CSMD3: variants seen among roughly 807,000 people sequenced by gnomAD.
CSMD3 encodes CUB and Sushi multiple domains 3.
A neutral mutation model predicts 435.2 loss-of-function variants in CSMD3; 177 were observed. The ratio of observed to expected loss-of-function variants is 0.41; its 90% CI spans 0.36 to 0.46. CSMD3 has a LOEUF of 0.46. Among genes scored for constraint, CSMD3 ranks in the 20% least tolerant of loss-of-function variants. The probability of loss-of-function intolerance (pLI) is 0.34; values close to 1 mark genes in which losing one functional copy is unlikely to be tolerated. For synonymous variants in CSMD3, 1,656 were observed against 1,520.5 expected (o/e 1.09, Z -2.07); for missense variants, 4,265 against 4,504.6 (o/e 0.95, Z 1.52).
At chr8:112,780,928 G>C (rs767623483) in intron 13 of CSMD3, among the ~76,000 whole-genome samples, 1 of 152,044 alleles carries the variant, frequency 6.6e-6, no homozygotes, top group Non-Finnish European at 1.5e-5. Flanking sequence ...CTGGTGCTGT[G>C]CTGGGCTCAG....
chr8:113,225,929 C>T (rs943178321), intron 3 of CSMD3, among the ~76,000 whole-genome samples: 8 of 151,538 alleles, frequency 5.3e-5, no homozygotes, highest in African/African-American at 1.4e-4. Context: ...GCTGTTCCCC[C>T]CTGCTGTCCT....
intron 30 of CSMD3, among the ~76,000 whole-genome samples, chr8:112,494,531 C>A (rs1022862212): frequency 8.5e-6 from 1 of 117,668 alleles, no homozygotes; most frequent in Non-Finnish European, 1.8e-5. Context: ...TTCTTTCTTT[C>A]TTTCTTTCTT....
intron 32 of CSMD3, among the ~76,000 whole-genome samples, chr8:112,437,479 G>C (rs761277335): frequency 2.6e-5 from 4 of 152,006 alleles, no homozygotes; most frequent in African/African-American, 9.7e-5. Context: ...CTAAATGGAT[G>C]AACTAAGGAA....
At chr8:112,749,523 A>C (rs1485697897) in intron 13 of CSMD3, among the ~76,000 whole-genome samples, 1 of 152,130 alleles carries the variant, frequency 6.6e-6, no homozygotes, top group Non-Finnish European at 1.5e-5. Context: ...TACACCATAC[A>C]CAAAACTCAA....
intron 13 of CSMD3, among the ~76,000 whole-genome samples, chr8:112,716,052 A>G (rs1429290008): frequency 1.3e-5 from 2 of 152,180 alleles, no homozygotes; most frequent in Non-Finnish European, 2.9e-5. Context: ...CTTATTCAGC[A>G]TAGTATTGGA....
chr8:113,138,998 G>T (rs898838433), intron 4 of CSMD3, among the ~76,000 whole-genome samples: 8 of 150,784 alleles, frequency 5.3e-5, no homozygotes, highest in Non-Finnish European at 1.2e-4. Context: ...AAAAGGAAAA[G>T]ACCTAAGATT....
chr8:112,466,789 T>C (rs975538669), intron 32 of CSMD3, among the ~76,000 whole-genome samples: 17 of 152,026 alleles, frequency 1.1e-4, no homozygotes, highest in Non-Finnish European at 2.2e-4. Flanking sequence ...TACCTAAGTC[T>C]ATCAGCCCAA....
At chr8:113,256,840 G>A (rs895484488) in intron 3 of CSMD3, among the ~76,000 whole-genome samples, 2 of 152,190 alleles carry the variant, frequency 1.3e-5, no homozygotes, top group Non-Finnish European at 2.9e-5. Context: ...GTGGTTTGTA[G>A]TGTGTAGGAT....
At chr8:113,011,794 A>G (rs990745) in intron 6 of CSMD3, among the ~76,000 whole-genome samples, 91,611 of 151,506 alleles carry the variant, frequency 0.6, 29,309 homozygotes, top group East Asian at 0.95. Context: ...CTATCAGAAA[A>G]TTTTTAATAA....
At chr8:112,815,744 T>C (rs1306665264) in intron 12 of CSMD3, among the ~76,000 whole-genome samples, 1 of 152,158 alleles carries the variant, frequency 6.6e-6, no homozygotes, top group Non-Finnish European at 1.5e-5. Flanking sequence ...TAAACCCTTT[T>C]TTCAGGGAAA....
chr8:112,625,054 G>C (rs985512942), intron 22 of CSMD3, among the ~76,000 whole-genome samples: 1 of 151,878 alleles, frequency 6.6e-6, no homozygotes, highest in East Asian at 1.9e-4. Flanking sequence ...AAAAAGAAAA[G>C]AAAACATAGT....
intron 3 of CSMD3, among the ~76,000 whole-genome samples, chr8:113,230,563 C>G (rs990137206): frequency 1.3e-5 from 2 of 151,438 alleles, no homozygotes; most frequent in Non-Finnish European, 3.0e-5. Context: ...AATAGGTGAT[C>G]CAAAGACCAT....
chr8:112,570,227 A>G (rs976360741), intron 24 of CSMD3, among the ~76,000 whole-genome samples: 1 of 152,220 alleles, frequency 6.6e-6, no homozygotes, highest in Non-Finnish European at 1.5e-5. Context: ...TATAAAATTC[A>G]TATTCAGATG....
intron 1 of CSMD3, among the ~76,000 whole-genome samples, chr8:113,332,561 T>C (rs1425769908): frequency 6.6e-6 from 1 of 151,644 alleles, no homozygotes; most frequent in Non-Finnish European, 1.5e-5. Context: ...TTTGTGCATA[T>C]ATTTAACGAG....
chr8:112,888,200 G>C (rs2081667079), intron 10 of CSMD3, among the ~76,000 whole-genome samples: 1 of 151,598 alleles, frequency 6.6e-6, no homozygotes, highest in African/African-American at 2.4e-5. Flanking sequence ...ACAGAAACAA[G>C]TGGAAATGAA....
intron 2 of CSMD3, chr8:113,314,361 T>C (rs2093893617): frequency 1.8e-6 from 1 of 551,918 alleles, no homozygotes; most frequent in Non-Finnish European, 3.2e-6. Flanking sequence ...TTCACCTTTG[T>C]GAGACATAGT....
At chr8:112,808,607 C>T (rs2079148448) in intron 12 of CSMD3, among the ~76,000 whole-genome samples, 1 of 152,184 alleles carries the variant, frequency 6.6e-6, no homozygotes, top group Non-Finnish European at 1.5e-5. Context: ...CGGTTGATAG[C>T]ACCCAAAGCC....
rs2130914409 is a variant in CSMD3, at chr8:112,503,801, A to G, written c.5072T>C (p.Leu1691Pro). ...ATGTTCATATTTACCTTTGTATTCTAGATGAAATCCAGTGTAACTAACAGA... is the reference window on the plus strand; with the variant it reads ...ATGTTCATATTTACCTTTGTATTCTGGATGAAATCCAGTGTAACTAACAGA... Reference protein sequence around the residue: ...DGSVSYTGFHLEYKAKLRESC... With the variant: ...DGSVSYTGFHPEYKAKLRESC... Residue 1691 changes from leucine (L) to proline (P), a missense_variant, in exon 30 of 71, where the codon CTA (leucine) becomes CCA (proline). Leu to Pro is a moderately conservative substitution (Grantham distance 98, BLOSUM62 -3). Coordinates refer to ENST00000297405, the MANE Select transcript of CSMD3 (RefSeq NM_198123.2). 1 of 1,607,538 alleles carries G rather than the reference A, an allele frequency of 6.2e-7. No homozygotes were observed. The highest frequency in any genetic ancestry group is 8.5e-7 in the Non-Finnish European group (1 of 1,174,594).
intron 1 of CSMD3, among the ~76,000 whole-genome samples, chr8:113,354,827 C>T (rs1163199669): frequency 2.0e-5 from 3 of 151,774 alleles, no homozygotes; most frequent in African/African-American, 4.8e-5. Context: ...TTTGTAGACA[C>T]GAGGATTCAC....
Sources: allele counts gnomAD v4.1 joint callset (sites outside exome capture counted in the v4.1 genomes callset), GRCh38; gene constraint gnomAD v4.1.1; transcripts MANE v1.5; gene names NCBI Gene and HGNC (gene_info 2026-07-23, HGNC 2026-07-21).